Variants in RBFOX1 observed in about 807,000 individuals in gnomAD.
The protein encoded by RBFOX1 is RNA binding protein fox-1 homolog 1.
A neutral mutation model predicts 57.7 loss-of-function variants in RBFOX1; 8 were observed. The observed-to-expected ratio is 0.14, with a 90% CI of 0.08 to 0.25. The LOEUF (loss-of-function observed/expected upper bound fraction) is 0.25, where lower values mean the gene tolerates loss of function less well. Among genes scored for constraint, RBFOX1 ranks in the 10% least tolerant of loss-of-function variants. The pLI is 1.00. For missense variants in RBFOX1, 611 were observed against 548.5 expected (o/e 1.11, Z -1.14); for synonymous variants, 326 against 222.4 (o/e 1.47, Z -4.15).
At chr16:5,619,904 G>C (rs1288001018) in intron 3 of RBFOX1, among the ~76,000 whole-genome samples, 1 of 151,302 alleles carries the variant, frequency 6.6e-6, no homozygotes, top group Non-Finnish European at 1.5e-5. Context: ...AGAATATGCT[G>C]ACTTTCTACA....
At chr16:7,231,511 A>G (rs2093491043) in intron 4 of RBFOX1, among the ~76,000 whole-genome samples, 1 of 152,186 alleles carries the variant, frequency 6.6e-6, no homozygotes, top group Non-Finnish European at 1.5e-5. Context: ...GAATTACCAT[A>G]TGACCCAGCA....
intron 4 of RBFOX1, among the ~76,000 whole-genome samples, chr16:7,073,582 C>G (rs190495149): frequency 1.3e-5 from 2 of 152,116 alleles, no homozygotes; most frequent in East Asian, 3.9e-4. Flanking sequence ...GAGGCTCACA[C>G]GTGTAATCCC....
Position 5,856,292 on chromosome 16 carries a change from C to T in RBFOX1, c.319-11011C>T, listed in dbSNP as rs1205892927. 6.3e-3 allele frequency among the ~76,000 whole-genome samples: 177 copies of T among 28,140 alleles called. 18 individuals are homozygous for T. The highest frequency in any genetic ancestry group is 0.018 in the Admixed American group (28 of 1,562). 18.5% of individuals were successfully genotyped at this position (28,140 alleles called of 152,430 possible). Reference sequence around the variant, plus strand: ...ATATATACACATATATATACACACACACACACACACACACACACATATATA... The same window carrying T: ...ATATATACACATATATATACACACATACACACACACACACACACATATATA... On this transcript the variant is annotated intron_variant, in intron 3 of 19. Coordinates refer to the RBFOX1 transcript ENST00000641259.
chr16:7,199,963 TG>T (rs1331601967), intron 4 of RBFOX1, among the ~76,000 whole-genome samples: 1 of 152,184 alleles, frequency 6.6e-6, no homozygotes, highest in Admixed American at 6.5e-5. Context: ...AACAACGTGT[TG>T]GGGAACACTT....
intron 2 of RBFOX1, among the ~76,000 whole-genome samples, chr16:5,480,210 T>C (rs898124886): frequency 6.6e-6 from 1 of 152,176 alleles, no homozygotes; most frequent in East Asian, 1.9e-4. Context: ...CTGTGCTCTG[T>C]AGAATCGCTA....
At chr16:6,633,983 C>G (rs2098410946) in intron 2 of RBFOX1, among the ~76,000 whole-genome samples, 1 of 152,258 alleles carries the variant, frequency 6.6e-6, no homozygotes, top group East Asian at 1.9e-4. Flanking sequence ...CTACTGCTGT[C>G]CAGACTGGAC....
intron 4 of RBFOX1, among the ~76,000 whole-genome samples, chr16:7,083,797 C>T (rs1342005686): frequency 3.3e-5 from 5 of 152,130 alleles, no homozygotes; most frequent in Non-Finnish European, 5.9e-5. Flanking sequence ...TAGTGGTTGC[C>T]ATGGTGACAT....
intron 4 of RBFOX1, among the ~76,000 whole-genome samples, chr16:5,981,016 C>CG (rs1567216693): frequency 6.6e-6 from 1 of 152,160 alleles, no homozygotes; most frequent in African/African-American, 2.4e-5. Context: ...TGGGAGCTCA[C>CG]GGAAAATGCG....
At chr16:6,925,075 T>A (rs1211081503) in intron 3 of RBFOX1, among the ~76,000 whole-genome samples, 1 of 144,850 alleles carries the variant, frequency 6.9e-6, no homozygotes, top group East Asian at 2.1e-4. Context: ...ATTTTCTTAA[T>A]CCAGTCTATC....
intron 2 of RBFOX1, among the ~76,000 whole-genome samples, chr16:6,592,372 G>A (rs1049950511): frequency 2.6e-5 from 4 of 152,144 alleles, no homozygotes; most frequent in Non-Finnish European, 5.9e-5. Context: ...GTCTTTGGAT[G>A]GGTGCTTCAT....
intron 4 of RBFOX1, among the ~76,000 whole-genome samples, chr16:7,193,311 G>C (rs8057188): frequency 0.64 from 97,413 of 152,034 alleles, 31,875 homozygotes; most frequent in African/African-American, 0.77. Flanking sequence ...TGCCGCTAGA[G>C]TCTAGAAAAG....
intron 4 of RBFOX1, among the ~76,000 whole-genome samples, chr16:7,331,050 A>T (rs765191872): frequency 2.0e-5 from 3 of 152,212 alleles, no homozygotes; most frequent in Non-Finnish European, 4.4e-5. Context: ...AATCAATTAC[A>T]GAGAAACCTT....
intron 1 of RBFOX1, among the ~76,000 whole-genome samples, chr16:6,217,567 C>G (rs550038456): frequency 1.3e-5 from 2 of 152,168 alleles, no homozygotes; most frequent in Non-Finnish European, 2.9e-5. Context: ...GAAGACTGTG[C>G]GCCTCCTGTC....
intron 1 of RBFOX1, among the ~76,000 whole-genome samples, chr16:6,264,990 C>A (rs983804771): frequency 5.3e-5 from 8 of 152,152 alleles, no homozygotes; most frequent in African/African-American, 1.9e-4. Context: ...TGACACCCAA[C>A]CTCGTCCTGC....
At chr16:5,751,576 G>A (rs542573350) in intron 3 of RBFOX1, among the ~76,000 whole-genome samples, 2 of 152,150 alleles carry the variant, frequency 1.3e-5, no homozygotes, top group Non-Finnish European at 2.9e-5. Context: ...GAATCAGAGA[G>A]GGCAAGGAAG....
chr16:6,941,834 C>T (rs1388429044), intron 3 of RBFOX1, among the ~76,000 whole-genome samples: 2 of 151,800 alleles, frequency 1.3e-5, no homozygotes, highest in Non-Finnish European at 2.9e-5. Context: ...GCTTTTTTTT[C>T]CCCCTAACTC....
chr16:7,669,784 T>A (rs925258261), intron 13 of RBFOX1, among the ~76,000 whole-genome samples: 2 of 152,272 alleles, frequency 1.3e-5, no homozygotes, highest in Admixed American at 1.3e-4. Flanking sequence ...AAAGTAGGAA[T>A]TCTTTAAATA....
At chr16:5,255,322 T>TTCCATCCATCCATCCATCCATCCA (rs3041858) in intron 1 of RBFOX1, among the ~76,000 whole-genome samples, 34 of 119,472 alleles carry the variant, frequency 2.8e-4, no homozygotes, top group Admixed American at 6.7e-4. Context: ...CCACACTTCC[T>TTCCATCCATCCATCCATCCATCCA]TCCATCCATC....
rs1265613268 is a variant in RBFOX1, at chr16:7,176,734, C to G, written c.27+124636C>G. On this transcript the variant is annotated intron_variant, in intron 4 of 15. Coordinates refer to ENST00000550418, the MANE Select transcript of RBFOX1 (RefSeq NM_018723.4). Reference sequence around the variant, plus strand: ...CAATGAACACAATAAGGTGATATTCCTACTTTTATTATAGTCAAGGTAAGA... The same window carrying G: ...CAATGAACACAATAAGGTGATATTCGTACTTTTATTATAGTCAAGGTAAGA... Among the ~76,000 whole-genome samples the G allele has an allele frequency of 3.9e-5, 6 of 151,990 alleles. 1 individual carries two copies. The highest frequency in any genetic ancestry group is 3.9e-4 in the East Asian group (2 of 5,176).
Sources: allele counts gnomAD v4.1 joint callset (sites outside exome capture counted in the v4.1 genomes callset), GRCh38; gene constraint gnomAD v4.1.1; transcripts MANE v1.5; gene names NCBI Gene and HGNC (gene_info 2026-07-23, HGNC 2026-07-21).